Variants in MYO18A observed in about 807,000 individuals in gnomAD.
The protein encoded by MYO18A is myosin XVIIIA.
MYO18A carries 78 observed loss-of-function variants against 235.8 expected under a neutral mutation model. The ratio of observed to expected loss-of-function variants is 0.33; its 90% confidence interval spans 0.28 to 0.40. The LOEUF (loss-of-function observed/expected upper bound fraction) is 0.40. Among genes scored for constraint, MYO18A ranks in the 10% least tolerant of loss-of-function variants. MYO18A has a pLI of 1.00. For missense variants in MYO18A, 2,215 were observed against 2,699.3 expected, an observed-to-expected ratio of 0.82 and a Z score of 3.98; for synonymous variants, 977 against 1,077.8, an observed-to-expected ratio of 0.91 and a Z score of 1.83.
At chr17:29,155,968 G>A (rs899460660) in intron 2 of MYO18A, among the ~76,000 whole-genome samples, 1 of 152,202 alleles carries the variant, frequency 6.6e-6, no homozygotes, top group Non-Finnish European at 1.5e-5. Context: ...GAGCGGGAAG[G>A]TTCCAGGAAC....
At chr17:29,081,496 G>A (rs1483128092) in intron 41 of MYO18A, among the ~76,000 whole-genome samples, 1 of 152,166 alleles carries the variant, frequency 6.6e-6, no homozygotes, top group Non-Finnish European at 1.5e-5. Context: ...GAGAAGGGAG[G>A]GAGAGATGTT....
intron 40 of MYO18A, among the ~76,000 whole-genome samples, chr17:29,083,494 TTAAA>T (rs1205403841): frequency 3.3e-5 from 4 of 120,106 alleles, no homozygotes; most frequent in African/African-American, 1.3e-4. Context: ...AATTATGTTC[TTAAA>T]TAAACAGCCA....
Position 29,125,798 on chromosome 17 carries a change from T to C in MYO18A, c.1000-3545A>G, listed in dbSNP as rs1736752266. 1.8e-6 allele frequency: 1 copy of C among 547,372 alleles called. No individual in the cohort carries two copies. The allele number at this position is 547,372 out of a possible 1,614,324, so 33.9% of individuals were successfully genotyped here. A position where few individuals can be genotyped will look rare whatever the true frequency, so the allele number is the denominator to read the frequency against. On this transcript the variant is annotated intron_variant, in intron 2 of 41. Transcript: ENST00000527372. The surrounding 1 kb of genome is among the most constrained non-coding windows in gnomAD (Gnocchi z 5.1). ...ACAGGCCGCCATGGAGCCATCTTCATGGTCAGCGCGCCTACAGACACACAC... is the reference window on the plus strand; with the variant it reads ...ACAGGCCGCCATGGAGCCATCTTCACGGTCAGCGCGCCTACAGACACACAC...
chr17:29,107,492 G>A (rs895588305), intron 19 of MYO18A: 1 of 322,150 alleles, frequency 3.1e-6, no homozygotes, highest in Non-Finnish European at 5.9e-6. Flanking sequence ...GGGGGGTTGT[G>A]GGGTAGCTGA....
At position 29,111,482 on chromosome 17, in the gene MYO18A, A is replaced by G. The variant is rs2066926914; in HGVS notation, c.2842T>C (p.Tyr948His). The change falls in exon 17 of 42, where the codon TAC (tyrosine) becomes CAC (histidine). Residue 948 changes from tyrosine to histidine, a missense_variant. Physicochemically the swap from Tyr to His is moderately conservative, Grantham distance 83 (BLOSUM62 2). Coordinates refer to ENST00000527372, the MANE Select transcript of MYO18A (RefSeq NM_078471.4). The surrounding 1 kb of genome is among the most constrained non-coding windows in gnomAD (Gnocchi z 5.1). ...VEYNVTGWLN[Y>H]TKQNPATQNA... The stretch of plus-strand genomic sequence containing the variant: ...TGGGTGGCTGGGTTCTGCTTGGTGT[A>G]GTTCAGCCAGCCAGTCACATTGTAC... 1 of 1,612,444 alleles carries G rather than the reference A, an allele frequency of 6.2e-7. No individual in the cohort carries two copies. The highest frequency in any genetic ancestry group is 1.7e-5 in the Admixed American group (1 of 59,734).
At chr17:29,142,020 C>T (rs1469533223) in intron 2 of MYO18A, among the ~76,000 whole-genome samples, 1 of 152,206 alleles carries the variant, frequency 6.6e-6, no homozygotes, top group African/African-American at 2.4e-5. Context: ...TCTCGGCTCA[C>T]TGCAAGCTCC....
In MYO18A at chr17:29,110,107, G is replaced by A. The variant is rs200533364; in HGVS notation, c.3088-6C>T. ...ATGGTGTCGATGAGGGCGTCCTGCC[G>A]AGGGGAAGAGACTGCCCTCAGTGGG... On this transcript the variant is annotated splice_region_variant and splice_polypyrimidine_tract_variant and intron_variant, in intron 18 of 41. Coordinates refer to ENST00000527372, the MANE Select transcript of MYO18A (RefSeq NM_078471.4). 17 of 1,607,596 alleles carry A rather than the reference G, an allele frequency of 1.1e-5. No individual in the cohort carries two copies. The East Asian group carries it at 1.1e-4, about 11-fold the overall frequency.
chr17:29,153,641 C>T (rs772867795), intron 2 of MYO18A, among the ~76,000 whole-genome samples: 3 of 152,184 alleles, frequency 2.0e-5, no homozygotes, highest in Non-Finnish European at 4.4e-5. Context: ...AACTCCTCAC[C>T]TGTGGGTCCT....
chr17:29,152,845 C>T (rs1236495794), intron 2 of MYO18A, among the ~76,000 whole-genome samples: 1 of 152,026 alleles, frequency 6.6e-6, no homozygotes. Flanking sequence ...CTTCAGCCTC[C>T]TAAGTAGCTA....
In MYO18A at chr17:29,098,823, T is replaced by C; in HGVS notation, c.3780+3A>G. 6.2e-7 allele frequency: 1 copy of C among 1,613,958 alleles called. No individual in the cohort carries two copies. Among genetic ancestry groups the C allele is most frequent in the East Asian group, 2.2e-5 (1 of 44,886 alleles). On this transcript the variant is annotated splice_donor_region_variant and intron_variant, in intron 23 of 41. Coordinates refer to ENST00000527372, the MANE Select transcript of MYO18A (RefSeq NM_078471.4). The stretch of plus-strand genomic sequence containing the variant: ...GACTTGGCCCTCTCAGGCTGTCACA[T>C]ACGTCTTTGTTCCGGATCTGCTCCT...
At chr17:29,112,695 T>C (rs2066960999) in intron 15 of MYO18A, among the ~76,000 whole-genome samples, 1 of 152,234 alleles carries the variant, frequency 6.6e-6, no homozygotes. Flanking sequence ...GCAGGAAGGA[T>C]GGAACCTTCC....
intron 2 of MYO18A, among the ~76,000 whole-genome samples, chr17:29,144,581 T>C (rs1301748532): frequency 1.3e-5 from 2 of 152,238 alleles, no homozygotes; most frequent in Non-Finnish European, 2.9e-5. Context: ...AGTTTCTACC[T>C]TTTTGGCCTT....
chr17:29,128,260 G>A lies in MYO18A; in HGVS notation c.1000-6007C>T, dbSNP rs1371278058. Reference sequence around the variant, plus strand: ...TTTCTCCCCTCTTGCTTCGAGTCGGGTGCTCGGGGGACTTGACTCCTCTGC... The same window carrying A: ...TTTCTCCCCTCTTGCTTCGAGTCGGATGCTCGGGGGACTTGACTCCTCTGC... On this transcript the variant is annotated intron_variant, in intron 2 of 41. Coordinates refer to ENST00000527372, the MANE Select transcript of MYO18A (RefSeq NM_078471.4). The A allele has an allele frequency of 2.6e-6, 3 of 1,171,028 alleles. No individual in the cohort carries two copies. In the East Asian group the frequency reaches 2.2e-4, roughly 86 times the overall value. 72.5% of individuals were successfully genotyped at this position (1,171,028 alleles called of 1,614,324 possible).
At chr17:29,132,088 G>A (rs187931601) in intron 2 of MYO18A, among the ~76,000 whole-genome samples, 67 of 152,330 alleles carry the variant, frequency 4.4e-4, no homozygotes. Context: ...ACGCAGCCGA[G>A]GGAGGGAACC....
chr17:29,083,555 C>T (rs2066175795), intron 40 of MYO18A, among the ~76,000 whole-genome samples: 1 of 151,818 alleles, frequency 6.6e-6, no homozygotes, highest in Non-Finnish European at 1.5e-5. Context: ...CACACACACA[C>T]ACACGAAACC....
At chr17:29,154,121 T>TGTGTGTGTGCGCGCGCGCGCGCGCGC (rs142430455) in intron 2 of MYO18A, among the ~76,000 whole-genome samples, 1 of 148,998 alleles carries the variant, frequency 6.7e-6, no homozygotes, top group African/African-American at 2.5e-5. Context: ...TGTGTGTGTG[T>TGTGTGTGTGCGCGCGCGCGCGCGCGC]GCGCGCGCGT....
chr17:29,079,148 T>A (rs952851209), intron 41 of MYO18A, among the ~76,000 whole-genome samples: 2 of 152,204 alleles, frequency 1.3e-5, no homozygotes, highest in African/African-American at 4.8e-5. Context: ...GGGGTATAGC[T>A]TGGGACCTTT....
Position 29,093,441 on chromosome 17 carries a change from G to C in MYO18A, c.4822-14C>G, listed in dbSNP as rs1184680659. On this transcript the variant is annotated splice_polypyrimidine_tract_variant and intron_variant, in intron 31 of 41. Transcript: ENST00000527372. ...CATCTGTTTTAACTGGAGTACCATG[G>C]GGACAGAGACCCGTCCGTCCCTTTA... The C allele has an allele frequency of 1.2e-6, 2 of 1,600,332 alleles. No individual in the cohort carries two copies. The highest frequency in any genetic ancestry group is 1.1e-5 in the South Asian group (1 of 90,688).
At chr17:29,115,197 C>G in intron 13 of MYO18A, 98 bp from the exon 14 acceptor site, 1 of 1,450,276 alleles carries the variant, frequency 6.9e-7, no homozygotes, top group Non-Finnish European at 9.3e-7. Flanking sequence ...TGCCCAGGAC[C>G]CTGGTGGGGA....
Sources: allele counts gnomAD v4.1 joint callset (sites outside exome capture counted in the v4.1 genomes callset), GRCh38; gene constraint gnomAD v4.1.1; non-coding constraint Gnocchi (gnomAD v3.1); transcripts MANE v1.5; gene names NCBI Gene and HGNC (gene_info 2026-07-23, HGNC 2026-07-21).